MAP3K13: variants seen among roughly 807,000 people sequenced by gnomAD.
MAP3K13 encodes the protein mitogen-activated protein kinase kinase kinase 13.
Under a neutral mutation model 104.0 loss-of-function variants are expected in MAP3K13, and 52 were observed. The ratio of observed to expected loss-of-function variants is 0.50; its 90% CI spans 0.40 to 0.63. The LOEUF (loss-of-function observed/expected upper bound fraction) is 0.63, where lower values mean the gene tolerates loss of function less well. Among genes scored for constraint, MAP3K13 ranks in the 20% least tolerant of loss-of-function variants. The probability of loss-of-function intolerance (pLI) is 0.00; values close to 1 mark genes in which losing one functional copy is unlikely to be tolerated. For synonymous variants in MAP3K13, 394 were observed against 442.2 expected, an observed-to-expected ratio of 0.89 and a Z score of 1.37; for missense variants, 914 against 1,218.5, an observed-to-expected ratio of 0.75 and a Z score of 3.72.
intron 1 of MAP3K13, among the ~76,000 whole-genome samples, chr3:185,377,647 G>A (rs1017184065): frequency 6.6e-6 from 1 of 152,212 alleles, no homozygotes; most frequent in Non-Finnish European, 1.5e-5. Context: ...AACAGTTATG[G>A]AGGCAAGGGA....
chr3:185,475,761 G>T (rs1685273316), intron 11 of MAP3K13, among the ~76,000 whole-genome samples: 1 of 152,162 alleles, frequency 6.6e-6, no homozygotes, highest in Non-Finnish European at 1.5e-5. Context: ...TGAGGCAGGA[G>T]AATCAGTTGA....
At position 185,480,469 on chromosome 3, in the gene MAP3K13, G is replaced by A; in HGVS notation, c.2739G>A (p.Val913=). 1 of 1,614,170 alleles carries A rather than the reference G, an allele frequency of 6.2e-7. No individual in the cohort carries two copies. The highest frequency in any genetic ancestry group is 8.5e-7 in the Non-Finnish European group (1 of 1,180,050). ...GGCTCTCTGACAAGGAGTGTGCCGT[G>A]CGCCGTGTGAAGACTCAGATGTCTC... ...SDGLSDKECA[V]RRVKTQMSLG... The change falls in exon 13 of 14, where the codon GTG becomes GTA. Residue 913 remains valine (V), a synonymous_variant. Transcript: ENST00000265026.
rs897407024 is a variant in MAP3K13 at position 185,375,269 on chromosome 3, A to C, written c.-86+11901A>C. Among the ~76,000 whole-genome samples the C allele has an allele frequency of 1.2e-4, 18 of 152,314 alleles. 1 individual carries two copies. Among genetic ancestry groups the C allele is most frequent in the African/African-American group, 2.6e-4 (11 of 41,566 alleles). On this transcript the variant is annotated intron_variant, in intron 1 of 13. Coordinates refer to ENST00000265026, the MANE Select transcript of MAP3K13 (RefSeq NM_004721.5). ...GGCCAAGAGTTATTTTAGTTTCCTG[A>C]CACGAGGCATCTGAGTAAGGTCAAT...
intron 2 of MAP3K13, among the ~76,000 whole-genome samples, chr3:185,308,683 G>A (rs1721391495): frequency 6.6e-6 from 1 of 152,174 alleles, no homozygotes; most frequent in Non-Finnish European, 1.5e-5. Context: ...CATCAAGCTG[G>A]ACAGTAACCA....
At chr3:185,341,368 G>A (rs1269206338) in intron 2 of MAP3K13, among the ~76,000 whole-genome samples, 2 of 152,186 alleles carry the variant, frequency 1.3e-5, no homozygotes, top group East Asian at 3.9e-4. Context: ...GCCATCAGAA[G>A]CTATGAAGAG....
At position 185,482,716 on chromosome 3, in the gene MAP3K13, T is replaced by C; in HGVS notation, c.*260T>C. 1 of 383,192 alleles carries C rather than the reference T, an allele frequency of 2.6e-6. No homozygotes were observed. The highest frequency in any genetic ancestry group is 4.7e-6 in the Non-Finnish European group (1 of 213,258). The allele number at this position is 383,192 out of a possible 1,614,324, so 23.7% of individuals were successfully genotyped here. A position where few individuals can be genotyped will look rare whatever the true frequency, so the allele number is the denominator to read the frequency against. ...GATCTATTTTATTGAATATTCTAGC[T>C]ACTGTAACATTGATATTTATTTTTG... On this transcript the variant is annotated 3_prime_UTR_variant, in exon 14 of 14. Coordinates refer to ENST00000265026, the MANE Select transcript of MAP3K13 (RefSeq NM_004721.5). This position sits in a 1 kb window ranked among gnomAD's most constrained non-coding sequence, Gnocchi z 4.5.
intron 1 of MAP3K13, among the ~76,000 whole-genome samples, chr3:185,385,333 T>G (rs894730033): frequency 1.2e-4 from 19 of 152,078 alleles, no homozygotes; most frequent in African/African-American, 3.6e-4. Flanking sequence ...GTATTTTTGT[T>G]GTTGTTGTTG....
intron 2 of MAP3K13, among the ~76,000 whole-genome samples, chr3:185,289,291 A>AT (rs1204276576): frequency 6.6e-6 from 1 of 152,290 alleles, no homozygotes; most frequent in East Asian, 1.9e-4. Context: ...TTTTCATTGT[A>AT]TGGGAGAGTG....
At chr3:185,300,189 CT>C (rs1273008667) in intron 2 of MAP3K13, among the ~76,000 whole-genome samples, 3,879 of 123,370 alleles carry the variant, frequency 0.031, 46 homozygotes, top group South Asian at 0.066. Context: ...TCCTTCTTTT[CT>C]TTTTTTTTTT....
chr3:185,301,589 A>T (rs1721113176), intron 2 of MAP3K13, among the ~76,000 whole-genome samples: 1 of 152,174 alleles, frequency 6.6e-6, no homozygotes, highest in African/African-American at 2.4e-5. Flanking sequence ...TTATAGTTTC[A>T]GGTCTTACAG....
intron 1 of MAP3K13, among the ~76,000 whole-genome samples, chr3:185,407,880 T>C (rs1214867251): frequency 4.8e-5 from 7 of 146,780 alleles, no homozygotes; most frequent in Admixed American, 4.8e-4. Context: ...TTTTTTTTTT[T>C]TTTTTTTTTT....
At chr3:185,305,315 C>T (rs553710846) in intron 2 of MAP3K13, among the ~76,000 whole-genome samples, 1 of 152,248 alleles carries the variant, frequency 6.6e-6, no homozygotes, top group South Asian at 2.1e-4. Context: ...ATGGGGATTA[C>T]ATAAAACATC....
At chr3:185,463,690 T>C (rs1420274468) in intron 8 of MAP3K13, 31 bp downstream of exon 8, 2 of 1,342,970 alleles carry the variant, frequency 1.5e-6, no homozygotes, top group Non-Finnish European at 2.1e-6. Flanking sequence ...CCACCTCCCT[T>C]CATCCCCAGG....
chr3:185,293,707 G>A (rs1263167466), intron 2 of MAP3K13, among the ~76,000 whole-genome samples: 3 of 152,194 alleles, frequency 2.0e-5, no homozygotes, highest in South Asian at 4.1e-4. Context: ...TTACAGACAT[G>A]AGCCACTGTG....
At chr3:185,415,521 C>T (rs1713702678) in intron 1 of MAP3K13, among the ~76,000 whole-genome samples, 1 of 147,274 alleles carries the variant, frequency 6.8e-6, no homozygotes, top group African/African-American at 2.5e-5. Context: ...TTTCTTGAAT[C>T]AATGAAATCA....
intron 2 of MAP3K13, among the ~76,000 whole-genome samples, chr3:185,295,801 TA>T (rs1171846033): frequency 3.9e-5 from 6 of 152,238 alleles, no homozygotes; most frequent in Non-Finnish European, 8.8e-5. Context: ...CATGTTTTAT[TA>T]CACTGTATGC....
chr3:185,312,578 A>T (rs1348466535), intron 2 of MAP3K13, among the ~76,000 whole-genome samples: 1 of 152,230 alleles, frequency 6.6e-6, no homozygotes, highest in Admixed American at 6.5e-5. Context: ...TAGGAAGGGG[A>T]TTAAATGCAA....
intron 8 of MAP3K13, among the ~76,000 whole-genome samples, chr3:185,464,478 AG>A (rs1717296662): frequency 6.6e-6 from 1 of 152,070 alleles, no homozygotes; most frequent in African/African-American, 2.4e-5. Context: ...AGTTCTCAGG[AG>A]ATCTGATGGT....
chr3:185,441,752 A>C (rs1368123804), intron 3 of MAP3K13, among the ~76,000 whole-genome samples: 1 of 151,948 alleles, frequency 6.6e-6, no homozygotes, highest in African/African-American at 2.4e-5. Flanking sequence ...AAAATAAAAA[A>C]AATTGGTGGC....
Sources: gnomAD v4.1 joint callset for allele counts (sites outside exome capture counted in the v4.1 genomes callset) on GRCh38, gnomAD v4.1.1 for gene constraint, Gnocchi (gnomAD v3.1) non-coding constraint, MANE v1.5 for transcripts, NCBI Gene and HGNC (gene_info 2026-07-23, HGNC 2026-07-21) for gene names.